Variants in MED14 observed in about 807,000 individuals in gnomAD.
MED14 encodes mediator of RNA polymerase II transcription subunit 14.
A neutral mutation model predicts 109.0 loss-of-function variants in MED14; 8 were observed. The ratio of observed to expected loss-of-function variants is 0.07; its 90% CI spans 0.04 to 0.13. The LOEUF (loss-of-function observed/expected upper bound fraction) is 0.13. Ranked by LOEUF, MED14 falls within the 10% of genes least tolerant of loss-of-function variation. The pLI is 1.00. For missense variants in MED14, 711 were observed against 1,142.4 expected, an observed-to-expected ratio of 0.62 and a Z score of 5.44; for synonymous variants, 399 against 408.7, an observed-to-expected ratio of 0.98 and a Z score of 0.29.
intron 13 of MED14, among the ~76,000 whole-genome samples, chrX:40,693,607 T>A (rs1569289492): frequency 9.0e-6 from 1 of 111,413 alleles, no homozygotes; most frequent in African/African-American, 3.3e-5. Context: ...AACAGACTAA[T>A]ACAGTCTGCT....
At position 40,735,318 on chromosome X, in the gene MED14, G is replaced by T. The variant is rs778571031; in HGVS notation, c.95C>A (p.Pro32His). The T allele has an allele frequency of 3.6e-6, 4 of 1,124,096 alleles. No homozygotes were observed. The South Asian group carries it at 6.2e-5, about 18-fold the overall frequency. 92.6% of individuals were successfully genotyped at this position (1,124,096 alleles called of 1,213,427 possible). ...GGPPSAPAPP[P>H]PGAAVAAAAA... ...GGCCGCCGCCACGGCGGCTCCCGGG[G>T]GAGGAGGGGCTGGGGCTGACGGGGG... Residue 32 changes from proline to histidine, a missense_variant, in exon 1 of 31, where the codon CCC (proline) becomes CAC (histidine). Around this residue, in one of 8 missense-constraint regions of MED14, gnomAD observed 62 missense variants for 55.2 expected, o/e 1.12. Transcript: ENST00000324817.
In MED14 at chrX:40,663,002, G is replaced by A; in HGVS notation, c.3607C>T (p.Leu1203Phe). The change falls in exon 26 of 31, where the codon CTT becomes TTT. Residue 1203 changes from leucine (L) to phenylalanine (F), a missense_variant. Physicochemically the swap from Leu to Phe is conservative, Grantham distance 22 (BLOSUM62 0). Around this residue, in one of 8 missense-constraint regions of MED14, gnomAD observed 54 missense variants for 129.6 expected, o/e 0.42. Transcript: ENST00000324817. ...GLVPGLAGSY[L>F]CSPLERFLGS... Reference sequence around the variant, plus strand: ...AGGAATCTCTCAAGTGGAGAACAAAGGTAACTACCTGCCAGGCCGGGCACA... The same window carrying A: ...AGGAATCTCTCAAGTGGAGAACAAAAGTAACTACCTGCCAGGCCGGGCACA... 8.3e-7 allele frequency: 1 copy of A among 1,211,564 alleles called. No homozygotes were observed. The highest frequency in any genetic ancestry group is 1.1e-6 in the Non-Finnish European group (1 of 895,310).
intron 23 of MED14, 47 bp from the exon 24 acceptor site, chrX:40,666,898 T>C: frequency 1.8e-6 from 2 of 1,085,942 alleles, no homozygotes; most frequent in South Asian, 2.3e-5. Context: ...ACACATTTTA[T>C]GTCCTGTCCA....
At chrX:40,690,250 G>A (rs1240149610) in intron 15 of MED14, among the ~76,000 whole-genome samples, 3 of 111,631 alleles carry the variant, frequency 2.7e-5, no homozygotes, top group African/African-American at 9.8e-5. Flanking sequence ...CTAGGAGCTG[G>A]GTCATCAAGG....
chrX:40,702,448 G>A (rs1434834244), intron 11 of MED14, among the ~76,000 whole-genome samples: 1 of 102,455 alleles, frequency 9.8e-6, no homozygotes, highest in African/African-American at 3.7e-5. Context: ...CCAGGTTCAC[G>A]CCATTCTCCT....
chrX:40,648,912 A>G lies in MED14; in HGVS notation c.*2894T>C, dbSNP rs1928756572. 9.0e-6 allele frequency: 1 copy of G among 111,589 alleles called. No homozygotes were observed. The highest frequency in any genetic ancestry group is 1.9e-5 in the Non-Finnish European group (1 of 53,049). The allele number at this position is 111,589 out of a possible 1,213,427, so 9.2% of individuals were successfully genotyped here. ...CCTTAGACACACTGTCCATTCTCAA[A>G]CCGAATGAAAAAAAAATTCCACAAG... On this transcript the variant is annotated 3_prime_UTR_variant, in exon 31 of 31. Transcript: ENST00000324817.
intron 12 of MED14, among the ~76,000 whole-genome samples, chrX:40,699,369 T>G (rs1930838426): frequency 8.9e-6 from 1 of 112,149 alleles, no homozygotes; most frequent in Non-Finnish European, 1.9e-5. Flanking sequence ...CATTGAATTG[T>G]ATACTTAAAA....
In MED14 at chrX:40,659,207, T is replaced by C. The variant is rs532006802; in HGVS notation, c.3972+20A>G. 6 of 1,082,229 alleles carry C rather than the reference T, an allele frequency of 5.5e-6. No homozygotes were observed. The South Asian group carries it at 1.1e-4, about 20-fold the overall frequency. 89.2% of individuals were successfully genotyped at this position (1,082,229 alleles called of 1,213,427 possible). On this transcript the variant is annotated intron_variant, in intron 28 of 30. Coordinates refer to ENST00000324817, the MANE Select transcript of MED14 (RefSeq NM_004229.4). ...CTCCTCAAACAAACCTTGCTAGAAA[T>C]GTATATCTCTGTGACTTACCAGCTC...
At chrX:40,729,491 CT>C (rs1932009598) in intron 1 of MED14, 146 bp from the exon 2 acceptor site, 1 of 511,039 alleles carries the variant, frequency 2.0e-6, no homozygotes, top group Non-Finnish European at 3.1e-6. Context: ...GCTACCTACT[CT>C]TTTTTAGATT....
intron 30 of MED14, among the ~76,000 whole-genome samples, chrX:40,652,527 C>T (rs1221490952): frequency 9.0e-6 from 1 of 111,643 alleles, no homozygotes; most frequent in East Asian, 2.8e-4. Context: ...GGAGTTTTCT[C>T]CCAAAATTCA....
At chrX:40,670,122 A>C (rs1929665952) in intron 23 of MED14, among the ~76,000 whole-genome samples, 2 of 112,067 alleles carry the variant, frequency 1.8e-5, no homozygotes, top group African/African-American at 6.5e-5. Context: ...TGAGTGGCTA[A>C]GTGTGAGACA....
intron 23 of MED14, among the ~76,000 whole-genome samples, chrX:40,668,066 G>C (rs927281669): frequency 6.3e-5 from 7 of 111,387 alleles, no homozygotes; most frequent in African/African-American, 2.3e-4. Flanking sequence ...ACATGGAAAT[G>C]ATGCCGAATA....
intron 22 of MED14, among the ~76,000 whole-genome samples, chrX:40,672,394 G>C (rs1278209851): frequency 9.0e-6 from 1 of 111,689 alleles, no homozygotes; most frequent in Non-Finnish European, 1.9e-5. Flanking sequence ...TTTTCTTTCT[G>C]AGCGGTAGAT....
chrX:40,672,449 A>C (rs1929763217), intron 22 of MED14, among the ~76,000 whole-genome samples: 1 of 112,277 alleles, frequency 8.9e-6, no homozygotes, highest in African/African-American at 3.2e-5. Context: ...GTATCAATGA[A>C]ATATGGTAGC....
Position 40,714,698 on chromosome X carries a change from A to G in MED14, c.361T>C (p.Phe121Leu). The G allele has an allele frequency of 8.3e-7, 1 of 1,209,919 alleles. No individual in the cohort carries two copies. The highest frequency in any genetic ancestry group is 1.1e-6 in the Non-Finnish European group (1 of 894,441). ...KVEKCAMISS[F>L]LDQQAILFVD... ...AACAGGATGGCTTGCTGATCTAAAA[A>G]GCTTGAAATCATCTTTAAAGTAAAG... Residue 121 changes from phenylalanine (F) to leucine (L), a missense_variant, in exon 4 of 31, where the codon TTT (phenylalanine) becomes CTT (leucine). Transcript: ENST00000324817.
Position 40,659,341 on chromosome X carries a change from G to A in MED14, c.3865-7C>T. On this transcript the variant is annotated splice_polypyrimidine_tract_variant and splice_region_variant and intron_variant, in intron 27 of 30. Transcript: ENST00000324817. ...TAAATGGTGGTCCTGCAACCTACAG[G>A]GATAAATAAAGCAAGTTACTCTTCA... is the stretch of plus-strand genomic sequence containing the variant. 3 of 1,174,485 alleles carry A rather than the reference G, an allele frequency of 2.6e-6. No homozygotes were observed. Among genetic ancestry groups the A allele is most frequent in the Non-Finnish European group, 2.3e-6 (2 of 871,542 alleles).
chrX:40,714,597 G>A lies in MED14; in HGVS notation c.462C>T (p.Ile154=). 1 of 1,211,723 alleles carries A rather than the reference G, an allele frequency of 8.3e-7. No individual in the cohort carries two copies. The highest frequency in any genetic ancestry group is 1.1e-6 in the Non-Finnish European group (1 of 895,473). Residue 154 remains isoleucine, a synonymous_variant, in exon 4 of 31, where the codon ATC becomes ATT. Transcript: ENST00000324817. ...TAGTTAGTACATCAATGGCATATGG[G>A]ATGGCAAAACTAGGCAGGCGTGCAT... ...LVHARLPSFA[I]PYAIDVLTTG...
intron 23 of MED14, among the ~76,000 whole-genome samples, chrX:40,670,312 G>GA (rs1929675212): frequency 8.9e-6 from 1 of 112,051 alleles, no homozygotes; most frequent in African/African-American, 3.3e-5. Flanking sequence ...CATCTCTATG[G>GA]AAAAGGTTTT....
intron 26 of MED14, 126 bp downstream of exon 26, chrX:40,662,799 T>C: frequency 2.0e-6 from 1 of 501,078 alleles, no homozygotes; most frequent in Non-Finnish European, 3.3e-6. Context: ...AAAATCATAA[T>C]TCTAACAAGC....
Sources: gnomAD v4.1 joint callset for allele counts (sites outside exome capture counted in the v4.1 genomes callset) on GRCh38, gnomAD v4.1.1 for gene constraint, gnomAD v4.1.1 regional missense constraint, MANE v1.5 for transcripts, NCBI Gene and HGNC (gene_info 2026-07-23, HGNC 2026-07-21) for gene names.